The following ANXA13 variants were observed in gnomAD, a reference collection of about 807,000 sequenced individuals.
ANXA13 encodes the protein annexin XIII.
In ANXA13, 36 loss-of-function variants were observed where a neutral mutation model predicts 46.6. That is an observed-to-expected ratio of 0.77 (90% CI 0.59 to 1.02). The LOEUF is 1.02. Ranked by LOEUF, ANXA13 falls within the 50% of genes least tolerant of loss-of-function variation. The pLI, the probability that ANXA13 is intolerant of heterozygous loss-of-function variation, is 0.00. For synonymous variants in ANXA13, 163 were observed against 152.9 expected, an observed-to-expected ratio of 1.07 and a Z score of -0.49; for missense variants, 417 against 396.5, an observed-to-expected ratio of 1.05 and a Z score of -0.44.
At chr8:123,701,493 C>A (rs1044908884) in intron 3 of ANXA13, among the ~76,000 whole-genome samples, 3 of 151,700 alleles carry the variant, frequency 2.0e-5, no homozygotes, top group African/African-American at 7.3e-5. Context: ...ACAACAACAA[C>A]AAAAAAAACC....
chr8:123,719,144 C>A (rs1048271452), intron 1 of ANXA13, among the ~76,000 whole-genome samples: 1 of 152,232 alleles, frequency 6.6e-6, no homozygotes, highest in African/African-American at 2.4e-5. Context: ...CAGAACACAG[C>A]CAGAAATACA....
At chr8:123,735,113 C>CAA (rs35085268) in intron 1 of ANXA13, among the ~76,000 whole-genome samples, 18 of 108,548 alleles carry the variant, frequency 1.7e-4, no homozygotes, top group Middle Eastern at 5.6e-3. Flanking sequence ...AAGTAAAACT[C>CAA]AAAAAAAAAA....
At chr8:123,734,512 G>A (rs1051905264) in intron 1 of ANXA13, among the ~76,000 whole-genome samples, 2 of 152,004 alleles carry the variant, frequency 1.3e-5, no homozygotes, top group African/African-American at 4.8e-5. Context: ...ACAAACACTA[G>A]GTCTTTGGTT....
chr8:123,681,081 A>T lies in ANXA13; in HGVS notation c.*159T>A. 1.9e-6 allele frequency: 2 copies of T among 1,026,694 alleles called. No individual in the cohort carries two copies. Among genetic ancestry groups the T allele is most frequent in the Non-Finnish European group, 2.8e-6 (2 of 726,990 alleles). The allele number at this position is 1,026,694 out of a possible 1,614,324, so 63.6% of individuals were successfully genotyped here. ...CACGCATCTTAACGTTACTGCCCTT[A>T]ACTTACACAGCTTGGCCTGGCTGCG... On this transcript the variant is annotated 3_prime_UTR_variant, in exon 11 of 11. Transcript: ENST00000419625.
chr8:123,715,271 A>T (rs747624571), intron 1 of ANXA13, among the ~76,000 whole-genome samples: 1 of 152,250 alleles, frequency 6.6e-6, no homozygotes, highest in African/African-American at 2.4e-5. Context: ...ATGGGGCCCT[A>T]TGCAGTTGCA....
intron 8 of ANXA13, 45 bp downstream of exon 8, chr8:123,693,152 A>C: frequency 6.5e-7 from 1 of 1,535,070 alleles, no homozygotes; most frequent in Non-Finnish European, 9.0e-7. Context: ...ATAACTTAAG[A>C]CACTTTCAGA....
chr8:123,712,038 T>A (rs866474659), intron 2 of ANXA13: 7 of 154,546 alleles, frequency 4.5e-5, no homozygotes, highest in African/African-American at 1.7e-4. Context: ...TTTGGCTGTG[T>A]CCTCACCCAA....
At chr8:123,723,937 A>G (rs1301908522) in intron 1 of ANXA13, among the ~76,000 whole-genome samples, 3 of 152,124 alleles carry the variant, frequency 2.0e-5, no homozygotes, top group Non-Finnish European at 4.4e-5. Flanking sequence ...CTTCCTTTGT[A>G]TGTTACAGAA....
At chr8:123,694,201 G>A (rs987875614) in intron 6 of ANXA13, among the ~76,000 whole-genome samples, 2 of 152,174 alleles carry the variant, frequency 1.3e-5, no homozygotes, top group East Asian at 1.9e-4. Context: ...ATTCTAAGAT[G>A]ACCCAATGGT....
At chr8:123,727,326 AC>A (rs1361202032) in intron 1 of ANXA13, among the ~76,000 whole-genome samples, 5 of 152,196 alleles carry the variant, frequency 3.3e-5, no homozygotes, top group Non-Finnish European at 5.9e-5. Flanking sequence ...GGAGAAGCTG[AC>A]TTTTCTCTGT....
At chr8:123,707,924 A>G (rs1813571328) in intron 2 of ANXA13, among the ~76,000 whole-genome samples, 1 of 152,176 alleles carries the variant, frequency 6.6e-6, no homozygotes, top group Non-Finnish European at 1.5e-5. Flanking sequence ...ACCAGATTGC[A>G]AAACAGTCCT....
intron 1 of ANXA13, among the ~76,000 whole-genome samples, 166 bp downstream of exon 1, chr8:123,737,154 C>T (rs924921724): frequency 5.3e-5 from 8 of 152,010 alleles, no homozygotes; most frequent in Non-Finnish European, 8.8e-5. Context: ...AGCCACCGCA[C>T]CCGGCCTCAA....
intron 1 of ANXA13, among the ~76,000 whole-genome samples, chr8:123,720,784 T>C (rs1445268932): frequency 6.6e-6 from 1 of 152,034 alleles, no homozygotes; most frequent in Non-Finnish European, 1.5e-5. Flanking sequence ...GGACTCACTA[T>C]GTTGCCCAGG....
At chr8:123,722,382 G>GAAAGAAAGAAAGAAAGAAAGA (rs1316103645) in intron 1 of ANXA13, among the ~76,000 whole-genome samples, 59 of 126,244 alleles carry the variant, frequency 4.7e-4, no homozygotes, top group African/African-American at 1.6e-3. Context: ...AAGAAAGAAA[G>GAAAGAAAGAAAGAAAGAAAGA]AAAGAAAGAA....
intron 1 of ANXA13, among the ~76,000 whole-genome samples, chr8:123,733,717 A>G (rs1814183357): frequency 6.6e-6 from 1 of 152,198 alleles, no homozygotes; most frequent in Non-Finnish European, 1.5e-5. Flanking sequence ...GGTTAGCCAT[A>G]TTCTACAGTC....
chr8:123,687,200 T>G (rs1167451332), intron 9 of ANXA13, among the ~76,000 whole-genome samples: 2 of 152,186 alleles, frequency 1.3e-5, no homozygotes, highest in African/African-American at 4.8e-5. Context: ...TTGAATAGTT[T>G]TAATACCATC....
intron 9 of ANXA13, among the ~76,000 whole-genome samples, chr8:123,685,953 A>G (rs1240575532): frequency 1.3e-5 from 2 of 152,186 alleles, no homozygotes; most frequent in African/African-American, 4.8e-5. Flanking sequence ...CCTCTTCCAT[A>G]CAGCACGGCT....
intron 1 of ANXA13, among the ~76,000 whole-genome samples, chr8:123,732,281 C>G (rs1814132912): frequency 6.6e-6 from 1 of 152,158 alleles, no homozygotes. Context: ...GTTGTGAAGA[C>G]CAAATGACGT....
chr8:123,726,169 G>GA (rs1286904591), intron 1 of ANXA13, among the ~76,000 whole-genome samples: 3 of 152,170 alleles, frequency 2.0e-5, no homozygotes, highest in Non-Finnish European at 4.4e-5. Flanking sequence ...ATTAAAACAT[G>GA]ACCTTTCTAT....
Sources: gnomAD v4.1 joint callset for allele counts (sites outside exome capture counted in the v4.1 genomes callset) on GRCh38, gnomAD v4.1.1 for gene constraint, MANE v1.5 for transcripts, NCBI Gene and HGNC (gene_info 2026-07-23, HGNC 2026-07-21) for gene names.